XRCC4: variants seen among roughly 807,000 people sequenced by gnomAD.
The protein encoded by XRCC4 is X-ray repair cross complementing 4.
Under a neutral mutation model 39.1 loss-of-function variants are expected in XRCC4, and 28 were observed. The observed-to-expected ratio is 0.72, with a 90% CI of 0.53 to 0.98. The LOEUF (loss-of-function observed/expected upper bound fraction) is 0.98. Among genes scored for constraint, XRCC4 ranks in the 50% least tolerant of loss-of-function variants. The pLI is 0.00. For synonymous variants in XRCC4, 123 were observed against 126.4 expected (o/e 0.97, Z 0.18); for missense variants, 350 against 376.4 (o/e 0.93, Z 0.58).
the XRCC4 span, among the ~76,000 whole-genome samples, chr5:83,367,631 A>G: frequency 6.6e-6 from 1 of 152,184 alleles, no homozygotes; most frequent in African/African-American, 2.4e-5. Context: ...CACACAGCAC[A>G]GTGGAAACCA....
chr5:83,203,343 T>A (rs1751287436), intron 4 of XRCC4, among the ~76,000 whole-genome samples: 1 of 152,192 alleles, frequency 6.6e-6, no homozygotes, highest in African/African-American at 2.4e-5. Flanking sequence ...TCAATTTTGA[T>A]CCTTATCTCA....
intron 7 of XRCC4, among the ~76,000 whole-genome samples, chr5:83,340,852 G>A (rs1011127711): frequency 6.6e-6 from 1 of 152,130 alleles, no homozygotes; most frequent in Non-Finnish European, 1.5e-5. Context: ...TATCCCCCTT[G>A]GTCCCAGTTT....
At chr5:83,354,451 G>A (rs928241064), downstream of XRCC4, among the ~76,000 whole-genome samples, 2 of 152,080 alleles carry the variant, frequency 1.3e-5, no homozygotes, top group Non-Finnish European at 2.9e-5. Flanking sequence ...TTTCTTTGTA[G>A]CCAAATTTTA....
At chr5:83,251,115 C>G (rs889826057) in intron 6 of XRCC4, among the ~76,000 whole-genome samples, 6 of 152,126 alleles carry the variant, frequency 3.9e-5, no homozygotes, top group African/African-American at 1.2e-4. Flanking sequence ...ATATTTGCCT[C>G]TGCATAGAAT....
chr5:83,204,897 A>T lies in XRCC4; in HGVS notation c.721A>T (p.Thr241Ser), dbSNP rs574436773. The change falls in exon 6 of 8, where the codon ACT (threonine) becomes TCT (serine). Residue 241 changes from threonine to serine, a missense_variant. By Grantham distance (58) the Thr-to-Ser change is moderately conservative. Coordinates refer to ENST00000396027, the MANE Select transcript of XRCC4 (RefSeq NM_003401.5). The part of the protein sequence containing the change: ...ESTDEESENQ[T>S]DLSGLASAAV... ...TACTGATGAGGAAAGTGAAAACCAA[A>T]CTGATCTCTCTGGGTTGGCTTCAGG... 1 of 1,612,054 alleles carries T rather than the reference A, an allele frequency of 6.2e-7. No homozygotes were observed. Among genetic ancestry groups the T allele is most frequent in the East Asian group, 2.2e-5 (1 of 44,776 alleles).
chr5:83,255,545 T>C (rs1753505852), intron 6 of XRCC4, among the ~76,000 whole-genome samples: 1 of 152,220 alleles, frequency 6.6e-6, no homozygotes, highest in Admixed American at 6.5e-5. Context: ...GGTATAATAA[T>C]GATAGTCACC....
chr5:83,138,818 C>G (rs536881198), intron 3 of XRCC4, among the ~76,000 whole-genome samples: 31 of 152,148 alleles, frequency 2.0e-4, no homozygotes, highest in African/African-American at 7.2e-4. Flanking sequence ...CTCGTAGTGA[C>G]TAGAACAATG....
chr5:83,296,690 A>C (rs73769443), intron 7 of XRCC4, among the ~76,000 whole-genome samples: 5,817 of 152,116 alleles, frequency 0.038, 332 homozygotes, highest in African/African-American at 0.13. Context: ...GAAGAGCAAT[A>C]AATTAAAAAT....
chr5:83,085,383 C>T (rs1476507043), intron 1 of XRCC4, among the ~76,000 whole-genome samples: 5 of 152,066 alleles, frequency 3.3e-5, no homozygotes, highest in South Asian at 2.1e-4. Context: ...TCAATAAATA[C>T]GGAACATGTC....
intron 4 of XRCC4, among the ~76,000 whole-genome samples, chr5:83,196,650 A>G (rs1750961128): frequency 6.6e-6 from 1 of 151,784 alleles, no homozygotes; most frequent in African/African-American, 2.4e-5. Flanking sequence ...CTTATAATAT[A>G]TATATGTGTG....
At chr5:83,126,017 AC>A (rs1747245763) in intron 3 of XRCC4, among the ~76,000 whole-genome samples, 1 of 150,066 alleles carries the variant, frequency 6.7e-6, no homozygotes, top group Non-Finnish European at 1.5e-5. Flanking sequence ...AAATTGAGTT[AC>A]GTGAATCTTC....
intron 6 of XRCC4, among the ~76,000 whole-genome samples, chr5:83,225,799 C>T (rs7711825): frequency 3.3e-5 from 5 of 151,166 alleles, no homozygotes; most frequent in Non-Finnish European, 7.4e-5. Flanking sequence ...GCCTCTGCTA[C>T]GAGATAGTGA....
the XRCC4 span, among the ~76,000 whole-genome samples, chr5:83,369,506 G>T: frequency 6.6e-6 from 1 of 152,126 alleles, no homozygotes; most frequent in Non-Finnish European, 1.5e-5. Context: ...GTGGTATTTG[G>T]TTTTCTGTTT....
At chr5:83,191,669 T>C (rs1253079917) in intron 3 of XRCC4, among the ~76,000 whole-genome samples, 12 of 152,246 alleles carry the variant, frequency 7.9e-5, no homozygotes, top group African/African-American at 2.9e-4. Context: ...CACTGTACTC[T>C]AGCCTGGGTG....
chr5:83,086,382 T>C (rs1745182138), intron 1 of XRCC4, among the ~76,000 whole-genome samples: 1 of 152,192 alleles, frequency 6.6e-6, no homozygotes, highest in South Asian at 2.1e-4. Context: ...GATTAACATA[T>C]GTTTTGTGTG....
intron 7 of XRCC4, among the ~76,000 whole-genome samples, chr5:83,270,021 C>CT (rs769262653): frequency 0.38 from 57,039 of 151,992 alleles, 13,989 homozygotes; most frequent in East Asian, 0.81. Flanking sequence ...CCTCACCTCA[C>CT]AAATGGTCCC....
chr5:83,274,610 A>G (rs1248193028), intron 7 of XRCC4, among the ~76,000 whole-genome samples: 1 of 152,234 alleles, frequency 6.6e-6, no homozygotes, highest in Non-Finnish European at 1.5e-5. Flanking sequence ...GATGCAAAAG[A>G]TAGTGATGAG....
At position 83,195,827 on chromosome 5, in the gene XRCC4, G is replaced by T. The variant is rs1239348117; in HGVS notation, c.373G>T (p.Glu125Ter). Residue 125 changes from glutamate (E) to a stop codon, truncating the protein, a stop_gained, in exon 4 of 8, where the codon GAA (glutamate) becomes TAA (stop). Coordinates refer to ENST00000396027, the MANE Select transcript of XRCC4 (RefSeq NM_003401.5). LOFTEE classifies it high-confidence loss of function. The part of the protein sequence containing the change: ...KVENPAEVIR[E>*]LICYCLDTIA... ...TGAAAACCCAGCTGAAGTCATTAGAGAACTTATTTGTTATTGCTTGGACAC... is the reference window on the plus strand; with the variant it reads ...TGAAAACCCAGCTGAAGTCATTAGATAACTTATTTGTTATTGCTTGGACAC... The T allele has an allele frequency of 6.2e-7, 1 of 1,611,328 alleles. No homozygotes were observed. Among genetic ancestry groups the T allele is most frequent in the Non-Finnish European group, 8.5e-7 (1 of 1,178,346 alleles).
intron 7 of XRCC4, chr5:83,280,267 T>C: frequency 2.8e-6 from 1 of 353,492 alleles, no homozygotes; most frequent in Non-Finnish European, 5.5e-6. Context: ...TGTTTTACAA[T>C]ATCCGGATGT....
Sources: allele counts gnomAD v4.1 joint callset (sites outside exome capture counted in the v4.1 genomes callset), GRCh38; gene constraint gnomAD v4.1.1; transcripts MANE v1.5; gene names NCBI Gene and HGNC (gene_info 2026-07-23, HGNC 2026-07-21).